PKNOX2: variants seen among roughly 807,000 people sequenced by gnomAD.
The protein encoded by PKNOX2 is homeobox protein PKNOX2.
In PKNOX2, 14 loss-of-function variants were observed where a neutral mutation model predicts 53.1. That is an observed-to-expected ratio of 0.26 (90% CI 0.17 to 0.41). PKNOX2 has a LOEUF of 0.41. Among genes scored for constraint, PKNOX2 ranks in the 10% least tolerant of loss-of-function variants. The pLI is 1.00. For synonymous variants in PKNOX2, 257 were observed against 242.8 expected (o/e 1.06, Z -0.54); for missense variants, 496 against 602.8 (o/e 0.82, Z 1.85).
intron 2 of PKNOX2, among the ~76,000 whole-genome samples, chr11:125,292,960 G>A (rs551123444): frequency 4.0e-4 from 61 of 152,254 alleles, no homozygotes; most frequent in Admixed American, 2.4e-3. Context: ...TGCGGGGAGC[G>A]TCGCAGGCAG....
chr11:125,256,826 C>G (rs1388397569), intron 2 of PKNOX2, among the ~76,000 whole-genome samples: 1 of 152,234 alleles, frequency 6.6e-6, no homozygotes, highest in Admixed American at 6.5e-5. Context: ...CCTCCAGGAG[C>G]AGGGGAGAGA....
intron 3 of PKNOX2, among the ~76,000 whole-genome samples, chr11:125,344,245 G>A (rs1185972387): frequency 6.6e-6 from 1 of 152,222 alleles, no homozygotes; most frequent in Admixed American, 6.5e-5. Context: ...CCACAGTGAG[G>A]ACATATTGTT....
intron 7 of PKNOX2, among the ~76,000 whole-genome samples, chr11:125,400,296 C>T (rs899320304): frequency 5.3e-5 from 8 of 152,142 alleles, no homozygotes; most frequent in African/African-American, 9.7e-5. Context: ...GTTCTGGCTT[C>T]GGGGGTAAAT....
intron 3 of PKNOX2, among the ~76,000 whole-genome samples, chr11:125,332,990 C>T: frequency 6.6e-6 from 1 of 152,136 alleles, no homozygotes. Context: ...TGTGGCTCCT[C>T]GCGGTGGAAG....
At chr11:125,411,500 CT>C (rs1955524665) in intron 9 of PKNOX2, 20 of 466,946 alleles carry the variant, frequency 4.3e-5, no homozygotes, top group South Asian at 1.4e-4. Flanking sequence ...CTCTCTCTCT[CT>C]CTCTCTCTCC....
chr11:125,173,735 G>A (rs1255587989), intron 1 of PKNOX2, among the ~76,000 whole-genome samples: 1 of 152,234 alleles, frequency 6.6e-6, no homozygotes, highest in Admixed American at 6.5e-5. Flanking sequence ...CGAGGCTGCA[G>A]TGTGGCCTTG....
intron 3 of PKNOX2, among the ~76,000 whole-genome samples, chr11:125,337,119 A>G (rs1193791740): frequency 2.0e-5 from 3 of 152,132 alleles, no homozygotes; most frequent in African/African-American, 7.2e-5. Context: ...TCTGCATTCT[A>G]TAGGTGATTA....
At chr11:125,301,873 C>A (rs182818779) in intron 2 of PKNOX2, among the ~76,000 whole-genome samples, 2 of 152,172 alleles carry the variant, frequency 1.3e-5, no homozygotes, top group East Asian at 3.9e-4. Context: ...CCAGGGAAAG[C>A]GTGCTCTTAT....
At chr11:125,189,441 GTGTGTGTATATATATATATA>G (rs1296165383) in intron 1 of PKNOX2, among the ~76,000 whole-genome samples, 7 of 57,966 alleles carry the variant, frequency 1.2e-4, no homozygotes, top group South Asian at 6.1e-4. Context: ...GTGTGTGTGT[GTGTGTGTATATATATATATA>G]TATATATATA....
At chr11:125,397,714 G>A (rs957844093) in intron 6 of PKNOX2, among the ~76,000 whole-genome samples, 160 bp from the exon 7 acceptor site, 34 of 152,330 alleles carry the variant, frequency 2.2e-4, no homozygotes, top group African/African-American at 7.0e-4. Flanking sequence ...AGAAGGCACC[G>A]CCTACCACTT....
intron 2 of PKNOX2, chr11:125,287,684 GACTCAGTCT>G (rs1946998042): frequency 1.3e-5 from 2 of 152,284 alleles, no homozygotes; most frequent in Non-Finnish European, 2.9e-5. Context: ...AATTCCTGAA[GACTCAGTCT>G]TCTGGGGAAC....
At chr11:125,247,329 A>G (rs1237139699) in intron 2 of PKNOX2, among the ~76,000 whole-genome samples, 2 of 152,152 alleles carry the variant, frequency 1.3e-5, no homozygotes, top group Non-Finnish European at 2.9e-5. Flanking sequence ...TGCTGGGCTC[A>G]TCTTCCTTGA....
intron 1 of PKNOX2, among the ~76,000 whole-genome samples, chr11:125,227,043 T>C (rs1941757556): frequency 6.6e-6 from 1 of 152,180 alleles, no homozygotes; most frequent in Non-Finnish European, 1.5e-5. Flanking sequence ...CTTTATTTTT[T>C]TATTATTCTT....
At chr11:125,404,298 C>T (rs193053386) in intron 7 of PKNOX2, among the ~76,000 whole-genome samples, 3 of 152,360 alleles carry the variant, frequency 2.0e-5, no homozygotes, top group African/African-American at 4.8e-5. Context: ...CCTTTGCCGC[C>T]AGGCTAGTGA....
rs150976726 is a variant in PKNOX2 at position 125,336,792 on chromosome 11, A to G, written c.-23+4867A>G. Among the ~76,000 whole-genome samples, 971 of 147,228 alleles carry G rather than the reference A, an allele frequency of 6.6e-3. 10 individuals carry two copies. Among genetic ancestry groups the G allele is most frequent in the African/African-American group, 0.022 (914 of 40,652 alleles). ...TATACACTATATTATATAGTATACTATATAATATATGCAGTATTTTAAAAT... is the reference window on the plus strand; with the variant it reads ...TATACACTATATTATATAGTATACTGTATAATATATGCAGTATTTTAAAAT... On this transcript the variant is annotated intron_variant, in intron 3 of 12. Transcript: ENST00000298282.
intron 1 of PKNOX2, among the ~76,000 whole-genome samples, chr11:125,180,640 C>G (rs1338533132): frequency 7.5e-6 from 1 of 134,080 alleles, no homozygotes; most frequent in East Asian, 2.3e-4. Context: ...CTCCAGGACT[C>G]TTCACGAAGC....
At chr11:125,367,743 C>G in intron 4 of PKNOX2, 103 bp from the exon 5 acceptor site, 1 of 1,273,044 alleles carries the variant, frequency 7.9e-7, no homozygotes, top group Non-Finnish European at 1.1e-6. Flanking sequence ...GCCTCTTGCT[C>G]TCCTCCGGGC....
chr11:125,311,263 C>T (rs1233304363), intron 2 of PKNOX2, among the ~76,000 whole-genome samples: 4 of 152,160 alleles, frequency 2.6e-5, no homozygotes, highest in Non-Finnish European at 5.9e-5. Flanking sequence ...ATGGGTTAGA[C>T]CTTGCCCTCT....
intron 1 of PKNOX2, among the ~76,000 whole-genome samples, chr11:125,228,418 G>T (rs983900473): frequency 6.6e-6 from 1 of 152,210 alleles, no homozygotes; most frequent in South Asian, 2.1e-4. Flanking sequence ...CCAGTGTCTG[G>T]CACATAGTAA....
Sources: allele counts gnomAD v4.1 joint callset (sites outside exome capture counted in the v4.1 genomes callset), GRCh38; gene constraint gnomAD v4.1.1; transcripts MANE v1.5; gene names NCBI Gene and HGNC (gene_info 2026-07-23, HGNC 2026-07-21).